Variants in NYAP2 observed in about 807,000 individuals in gnomAD.
NYAP2 encodes neuronal tyrosine-phosphorylated phosphoinositide-3-kinase adapter 2.
In NYAP2, 23 loss-of-function variants were observed where a neutral mutation model predicts 50.4. The ratio of observed to expected loss-of-function variants is 0.46; its 90% CI spans 0.33 to 0.65. The LOEUF is 0.65. NYAP2 is among the 30% of genes least tolerant of loss of function. The probability of loss-of-function intolerance (pLI) is 0.02; values close to 1 mark genes in which losing one functional copy is unlikely to be tolerated. For synonymous variants in NYAP2, 394 were observed against 365.2 expected (o/e 1.08, Z -0.90); for missense variants, 885 against 861.0 (o/e 1.03, Z -0.35).
intron 2 of NYAP2, among the ~76,000 whole-genome samples, chr2:225,405,181 G>A (rs1365867865): frequency 2.6e-5 from 4 of 151,972 alleles, no homozygotes; most frequent in Non-Finnish European, 5.9e-5. Context: ...AATTAAAAGG[G>A]ATGCCTGTAG....
chr2:225,425,456 G>T (rs1382567928), intron 3 of NYAP2, among the ~76,000 whole-genome samples: 1 of 152,168 alleles, frequency 6.6e-6, no homozygotes, highest in Non-Finnish European at 1.5e-5. Context: ...AAATTATTTA[G>T]TGCATTCTGC....
At chr2:225,627,096 C>A (rs759037670) in exon 6 of NYAP2, 2 of 1,592,762 alleles carry the variant, frequency 1.3e-6, no homozygotes, top group Non-Finnish European at 1.7e-6. Flanking sequence ...CTCTGTGAGC[C>A]CCACCTTGTT....
intron 4 of NYAP2, among the ~76,000 whole-genome samples, chr2:225,518,938 A>G (rs1348629033): frequency 6.6e-6 from 1 of 152,018 alleles, no homozygotes; most frequent in Non-Finnish European, 1.5e-5. Flanking sequence ...GAATTGCTTG[A>G]ACCCAGGAGG....
At chr2:225,438,552 G>C (rs16866610) in intron 3 of NYAP2, among the ~76,000 whole-genome samples, 2,374 of 152,276 alleles carry the variant, frequency 0.016, 54 homozygotes, top group African/African-American at 0.054. Flanking sequence ...AGAAGTTTTG[G>C]TAGATAATAA....
exon 4 of NYAP2, chr2:225,513,547 G>A (rs200442599): frequency 1.2e-6 from 2 of 1,610,918 alleles, no homozygotes; most frequent in East Asian, 4.5e-5. Context: ...GACAGCAGCT[G>A]TGGCTCACGG....
At chr2:225,603,022 G>T (rs1458172480) in intron 5 of NYAP2, among the ~76,000 whole-genome samples, 1 of 152,006 alleles carries the variant, frequency 6.6e-6, no homozygotes, top group Non-Finnish European at 1.5e-5. Flanking sequence ...GGATTACAAT[G>T]ACTAGATACA....
chr2:225,630,518 T>G (rs1392819995), intron 6 of NYAP2, among the ~76,000 whole-genome samples: 1 of 152,204 alleles, frequency 6.6e-6, no homozygotes, highest in Non-Finnish European at 1.5e-5. Context: ...GTCCAATCTC[T>G]GAGTGAAGGA....
chr2:225,520,877 T>A (rs940248887), intron 4 of NYAP2, among the ~76,000 whole-genome samples: 1 of 152,194 alleles, frequency 6.6e-6, no homozygotes, highest in Non-Finnish European at 1.5e-5. Flanking sequence ...ATGGCCATTT[T>A]CATGGTATTG....
At chr2:225,640,378 C>T (rs1389657222) in intron 6 of NYAP2, among the ~76,000 whole-genome samples, 2 of 152,098 alleles carry the variant, frequency 1.3e-5, no homozygotes, top group Non-Finnish European at 2.9e-5. Context: ...ATTATGTATG[C>T]TTGTCTTTCT....
intron 4 of NYAP2, among the ~76,000 whole-genome samples, chr2:225,520,677 C>G (rs1691036852): frequency 6.6e-6 from 1 of 152,134 alleles, no homozygotes; most frequent in Non-Finnish European, 1.5e-5. Context: ...TTACTGTAGC[C>G]TTGTAGTATA....
At chr2:225,577,132 C>T (rs1233054822) in intron 4 of NYAP2, among the ~76,000 whole-genome samples, 1 of 152,120 alleles carries the variant, frequency 6.6e-6, no homozygotes, top group Admixed American at 6.5e-5. Context: ...TGACTGAAAG[C>T]CATGTATAAC....
At chr2:225,610,998 C>T (rs2106247172) in intron 5 of NYAP2, among the ~76,000 whole-genome samples, 1 of 152,164 alleles carries the variant, frequency 6.6e-6, no homozygotes, top group East Asian at 1.9e-4. Flanking sequence ...TAGAATTTGC[C>T]TTTAGCTTAT....
At chr2:225,617,193 A>C (rs1363101525) in intron 5 of NYAP2, among the ~76,000 whole-genome samples, 2 of 152,172 alleles carry the variant, frequency 1.3e-5, no homozygotes, top group African/African-American at 4.8e-5. Flanking sequence ...TTGGGTGGCC[A>C]AGGCAGGTAG....
chr2:225,411,974 A>G (rs1420763375), intron 3 of NYAP2, among the ~76,000 whole-genome samples: 2 of 149,400 alleles, frequency 1.3e-5, no homozygotes, highest in Non-Finnish European at 3.0e-5. Flanking sequence ...TAAATAAATA[A>G]TTTACAAATA....
intron 3 of NYAP2, among the ~76,000 whole-genome samples, chr2:225,471,435 G>GTT (rs1181455098): frequency 1.3e-5 from 2 of 152,114 alleles, no homozygotes; most frequent in African/African-American, 4.8e-5. Context: ...CTCTCAAATA[G>GTT]TTTTTTTATT....
downstream of NYAP2, among the ~76,000 whole-genome samples, chr2:225,655,909 C>CACACACACACACACACAT (rs1693815175): frequency 3.1e-4 from 46 of 146,328 alleles, no homozygotes; most frequent in African/African-American, 1.1e-3. Flanking sequence ...CACACACACA[C>CACACACACACACACACAT]ACACACACAC....
At chr2:225,516,791 G>A (rs951029181) in intron 4 of NYAP2, among the ~76,000 whole-genome samples, 12 of 152,096 alleles carry the variant, frequency 7.9e-5, no homozygotes, top group African/African-American at 1.4e-4. Flanking sequence ...TATAACTGGA[G>A]TTCATTACAG....
chr2:225,655,977 CACAA>C (rs1693819366), downstream of NYAP2, among the ~76,000 whole-genome samples: 1 of 151,542 alleles, frequency 6.6e-6, no homozygotes, highest in Non-Finnish European at 1.5e-5. Flanking sequence ...CACATTCACT[CACAA>C]ACACATATTT....
chr2:225,663,913 T>G, the NYAP2 span, among the ~76,000 whole-genome samples: 2 of 152,130 alleles, frequency 1.3e-5, no homozygotes, highest in Non-Finnish European at 2.9e-5. Context: ...CTCTTCCTTC[T>G]TCTTGGAACA....
Sources: allele counts gnomAD v4.1 joint callset (sites outside exome capture counted in the v4.1 genomes callset), GRCh38; gene constraint gnomAD v4.1.1; transcripts MANE v1.5; gene names NCBI Gene and HGNC (gene_info 2026-07-23, HGNC 2026-07-21).